The following CREB5 variants were observed in gnomAD, a reference collection of about 807,000 sequenced individuals.
CREB5 encodes the protein cAMP responsive element binding protein 5, also known as cyclic AMP-responsive element-binding protein 5.
In CREB5, 19 loss-of-function variants were observed where a neutral mutation model predicts 57.1. The observed-to-expected ratio is 0.33, with a 90% CI of 0.23 to 0.49. The LOEUF is 0.49. Ranked by LOEUF, CREB5 falls within the 20% of genes least tolerant of loss-of-function variation. The pLI is 0.99. For missense variants in CREB5, 579 were observed against 671.6 expected (o/e 0.86, Z 1.52); for synonymous variants, 238 against 238.3 (o/e 1.00, Z 0.01).
chr7:28,435,906 C>A (rs1469371669), intron 1 of CREB5, among the ~76,000 whole-genome samples: 3 of 151,994 alleles, frequency 2.0e-5, no homozygotes, highest in Non-Finnish European at 2.9e-5. Flanking sequence ...TGAGTAATAC[C>A]ATATACATAT....
chr7:28,353,763 A>C (rs969333306), intron 1 of CREB5, among the ~76,000 whole-genome samples: 1 of 151,542 alleles, frequency 6.6e-6, no homozygotes, highest in Non-Finnish European at 1.5e-5. Context: ...GAATGGCGTG[A>C]ACCCAGGAGG....
At chr7:28,362,744 G>C (rs909613462) in intron 1 of CREB5, among the ~76,000 whole-genome samples, 1 of 152,108 alleles carries the variant, frequency 6.6e-6, no homozygotes, top group African/African-American at 2.4e-5. Flanking sequence ...CATCGTCCTT[G>C]GGTAGAGGTA....
chr7:28,796,544 C>T (rs1468743474), intron 7 of CREB5, among the ~76,000 whole-genome samples: 1 of 152,210 alleles, frequency 6.6e-6, no homozygotes, highest in Non-Finnish European at 1.5e-5. Context: ...TATGTACCCC[C>T]ATTTCACAGA....
intron 1 of CREB5, among the ~76,000 whole-genome samples, chr7:28,486,820 T>C (rs1791575688): frequency 1.3e-5 from 2 of 151,128 alleles, no homozygotes; most frequent in Non-Finnish European, 3.0e-5. Context: ...AGAATTGAAC[T>C]ACAGCAGGGT....
chr7:28,753,331 G>A (rs1015654), intron 7 of CREB5, among the ~76,000 whole-genome samples: 151,409 of 152,336 alleles, frequency 0.99, 75,247 homozygotes, highest in Middle Eastern at 1. Flanking sequence ...AAAAATAGAA[G>A]TAATATTGTC....
intron 1 of CREB5, among the ~76,000 whole-genome samples, chr7:28,351,173 A>G (rs1562669502): frequency 6.6e-6 from 1 of 152,238 alleles, no homozygotes; most frequent in Non-Finnish European, 1.5e-5. Context: ...CCTATGGAAG[A>G]GTGAAAATGG....
At chr7:28,518,681 C>T (rs1793076661) in intron 4 of CREB5, among the ~76,000 whole-genome samples, 1 of 152,018 alleles carries the variant, frequency 6.6e-6, no homozygotes, top group African/African-American at 2.4e-5. Context: ...AACAAGATGG[C>T]CCAGAATTCT....
chr7:28,643,753 G>GA (rs1024658600), intron 5 of CREB5, among the ~76,000 whole-genome samples: 15 of 90,530 alleles, frequency 1.7e-4, no homozygotes, highest in Middle Eastern at 5.6e-3. Context: ...TTGGGAGGTG[G>GA]GGGGGGGCGG....
chr7:28,531,547 C>T (rs561553308), intron 4 of CREB5, among the ~76,000 whole-genome samples: 17 of 152,318 alleles, frequency 1.1e-4, no homozygotes, highest in Admixed American at 1.1e-3. Context: ...TAACTAATTA[C>T]ATCTGTGATG....
chr7:28,499,787 A>G (rs779438735), intron 3 of CREB5, among the ~76,000 whole-genome samples: 1 of 152,106 alleles, frequency 6.6e-6, no homozygotes, highest in Non-Finnish European at 1.5e-5. Context: ...TTCTTGATGT[A>G]TGTCAGGCTG....
At chr7:28,600,435 C>T (rs1241000152) in intron 5 of CREB5, among the ~76,000 whole-genome samples, 1 of 152,132 alleles carries the variant, frequency 6.6e-6, no homozygotes, top group East Asian at 1.9e-4. Context: ...GCATGGCTTT[C>T]CTGAGGATCC....
At chr7:28,554,414 G>A (rs1435820976) in intron 4 of CREB5, among the ~76,000 whole-genome samples, 1 of 152,158 alleles carries the variant, frequency 6.6e-6, no homozygotes, top group Non-Finnish European at 1.5e-5. Flanking sequence ...CTGTCTCCCA[G>A]CTTGCATCCA....
At chr7:28,517,816 G>A (rs1311404512) in intron 4 of CREB5, among the ~76,000 whole-genome samples, 1 of 152,056 alleles carries the variant, frequency 6.6e-6, no homozygotes, top group Non-Finnish European at 1.5e-5. Flanking sequence ...TTGTGACTCT[G>A]TTCTGTGTGA....
chr7:28,534,655 C>T (rs4722807), intron 4 of CREB5, among the ~76,000 whole-genome samples: 120,405 of 150,108 alleles, frequency 0.8, 48,159 homozygotes, highest in East Asian at 0.93. Context: ...CTTCCTCTTT[C>T]ATTTACCTTA....
At chr7:28,645,717 A>G (rs1798865521) in intron 5 of CREB5, among the ~76,000 whole-genome samples, 1 of 152,242 alleles carries the variant, frequency 6.6e-6, no homozygotes, top group Admixed American at 6.5e-5. Context: ...GGAGAAAAAC[A>G]GCTTTGCCAG....
chr7:28,508,573 G>T lies in CREB5; in HGVS notation c.291+836G>T, dbSNP rs1792577711. The stretch of plus-strand genomic sequence containing the variant: ...CGGAAAAGAAATTTTAAAAGGTTCT[G>T]ATATTTCTCTAAGTGTTTCAAAGCC... On this transcript the variant is annotated intron_variant, in intron 4 of 10. Coordinates refer to ENST00000357727, the MANE Select transcript of CREB5 (RefSeq NM_182898.4). Among the ~76,000 whole-genome samples, 4 of 152,302 alleles carry T rather than the reference G, an allele frequency of 2.6e-5. No individual in the cohort carries two copies. In the South Asian group the frequency reaches 8.3e-4, roughly 32 times the overall value.
chr7:28,667,248 C>G (rs771499590), intron 5 of CREB5, among the ~76,000 whole-genome samples: 27 of 150,864 alleles, frequency 1.8e-4, no homozygotes, highest in South Asian at 4.2e-4. Context: ...ATCAAGGATA[C>G]TATTTATTGG....
chr7:28,748,801 G>A (rs1175576633), intron 7 of CREB5, among the ~76,000 whole-genome samples: 1 of 152,176 alleles, frequency 6.6e-6, no homozygotes, highest in Non-Finnish European at 1.5e-5. Context: ...CCTCCAGACA[G>A]TGAGTTTGCA....
intron 5 of CREB5, among the ~76,000 whole-genome samples, chr7:28,702,750 G>A (rs1801926937): frequency 6.6e-6 from 1 of 152,122 alleles, no homozygotes; most frequent in South Asian, 2.1e-4. Context: ...AAAACCACAG[G>A]GGCCTATGTG....
Sources: allele counts gnomAD v4.1 joint callset (sites outside exome capture counted in the v4.1 genomes callset), GRCh38; gene constraint gnomAD v4.1.1; transcripts MANE v1.5; gene names NCBI Gene and HGNC (gene_info 2026-07-23, HGNC 2026-07-21).